POT1: variants seen among roughly 807,000 people sequenced by gnomAD.
POT1 encodes the protein protection of telomeres 1.
Under a neutral mutation model 78.5 loss-of-function variants are expected in POT1, and 47 were observed. The observed-to-expected ratio is 0.60, with a 90% CI of 0.47 to 0.76. The LOEUF (loss-of-function observed/expected upper bound fraction) is 0.76, where lower values mean the gene tolerates loss of function less well. Among genes scored for constraint, POT1 ranks in the 30% least tolerant of loss-of-function variants. POT1 has a pLI of 0.00. For synonymous variants in POT1, 259 were observed against 260.7 expected (o/e 0.99, Z 0.06); for missense variants, 646 against 749.9 (o/e 0.86, Z 1.62).
intron 3 of POT1, among the ~76,000 whole-genome samples, chr7:124,899,321 A>T (rs1796565134): frequency 6.6e-6 from 1 of 152,124 alleles, no homozygotes; most frequent in Non-Finnish European, 1.5e-5. Context: ...CCTTTTCTAA[A>T]AATCTCTTGC....
Position 124,913,127 on chromosome 7 carries a change from A to T in POT1, c.-154+2447T>A, listed in dbSNP as rs144540563. ...GAAACTCCTTCACTATCATGAGAAC[A>T]GCCAAGGAAAGACCCGCCTCCATAA... On this transcript the variant is annotated intron_variant, in intron 3 of 18. Coordinates refer to ENST00000357628, the MANE Select transcript of POT1 (RefSeq NM_015450.3). Among the ~76,000 whole-genome samples, 768 of 152,246 alleles carry T rather than the reference A, an allele frequency of 5.0e-3. 8 individuals carry two copies. Among genetic ancestry groups the T allele is most frequent in the African/African-American group, 0.017 (706 of 41,540 alleles).
chr7:124,883,138 T>C (rs545392519), intron 6 of POT1, among the ~76,000 whole-genome samples: 7 of 152,190 alleles, frequency 4.6e-5, no homozygotes, highest in African/African-American at 1.7e-4. Flanking sequence ...CCTAGACATA[T>C]TTATTTTTTG....
chr7:124,835,425 A>C lies in POT1; in HGVS notation c.1370-11T>G, dbSNP rs1350538061. On this transcript the variant is annotated splice_polypyrimidine_tract_variant and intron_variant, in intron 14 of 18. Coordinates refer to ENST00000357628, the MANE Select transcript of POT1 (RefSeq NM_015450.3). ...CACTGAGTGTACCTCCTGTTAAGAGAATAAATAAATCCTTCAAGTAGTGCA... is the reference window on the plus strand; with the variant it reads ...CACTGAGTGTACCTCCTGTTAAGAGCATAAATAAATCCTTCAAGTAGTGCA... The C allele has an allele frequency of 1.2e-6, 2 of 1,608,594 alleles. No individual in the cohort carries two copies.
intron 15 of POT1, among the ~76,000 whole-genome samples, chr7:124,829,732 A>ATATCTATATCTATATC (rs1378300353): frequency 2.7e-4 from 32 of 117,034 alleles, no homozygotes; most frequent in African/African-American, 9.7e-4. Flanking sequence ...ATATCTATAT[A>ATATCTATATCTATATC]TATATATTTT....
chr7:124,876,324 A>G (rs923950719), intron 6 of POT1, among the ~76,000 whole-genome samples: 3 of 151,468 alleles, frequency 2.0e-5, no homozygotes, highest in Non-Finnish European at 4.4e-5. Flanking sequence ...AATGACTTAA[A>G]CATTCAAAAA....
At chr7:124,897,033 T>C in intron 5 of POT1, 132 bp downstream of exon 5, 1 of 461,558 alleles carries the variant, frequency 2.2e-6, no homozygotes, top group Non-Finnish European at 3.8e-6. Context: ...AAAGATTATG[T>C]TTTTCCAGTG....
chr7:124,863,949 T>A (rs951057381), intron 7 of POT1, among the ~76,000 whole-genome samples: 2 of 152,140 alleles, frequency 1.3e-5, no homozygotes, highest in African/African-American at 4.8e-5. Flanking sequence ...TTAGTTTTTT[T>A]ATTAAGGTGT....
At chr7:124,907,548 G>A (rs1405160345) in intron 3 of POT1, among the ~76,000 whole-genome samples, 1 of 152,066 alleles carries the variant, frequency 6.6e-6, no homozygotes, top group Non-Finnish European at 1.5e-5. Flanking sequence ...GATTTTTAGG[G>A]CAGTGGAAAA....
At chr7:124,865,870 G>C (rs1426818202) in intron 7 of POT1, among the ~76,000 whole-genome samples, 1 of 151,878 alleles carries the variant, frequency 6.6e-6, no homozygotes, top group African/African-American at 2.4e-5. Context: ...TAAAGTTTTT[G>C]TTTAATAAAG....
At position 124,907,765 on chromosome 7, in the gene POT1, T is replaced by C. The variant is rs147231259; in HGVS notation, c.-154+7809A>G. ...TATGCATAACTGCAGGTAGAGAATG[T>C]GAGGGAAATCTCTCTAACTTTCTCT... On this transcript the variant is annotated intron_variant, in intron 3 of 18. Transcript: ENST00000357628. 2.8e-3 allele frequency among the ~76,000 whole-genome samples: 428 copies of C among 152,224 alleles called. 2 individuals are homozygous for C. Among genetic ancestry groups the C allele is most frequent in the Middle Eastern group, 6.8e-3 (2 of 294 alleles).
intron 14 of POT1, among the ~76,000 whole-genome samples, chr7:124,840,056 G>C (rs1794989761): frequency 6.6e-6 from 1 of 151,130 alleles, no homozygotes; most frequent in African/African-American, 2.4e-5. Flanking sequence ...GGAAGGTACA[G>C]AGATTTTCCG....
At chr7:124,856,826 T>C (rs1310415062) in intron 9 of POT1, among the ~76,000 whole-genome samples, 1 of 152,212 alleles carries the variant, frequency 6.6e-6, no homozygotes, top group Non-Finnish European at 1.5e-5. Flanking sequence ...GAACTTATCA[T>C]ATATTTAATT....
chr7:124,826,827 C>T (rs1282953703), intron 17 of POT1, among the ~76,000 whole-genome samples: 1 of 152,144 alleles, frequency 6.6e-6, no homozygotes, highest in Non-Finnish European at 1.5e-5. Context: ...TGAGATCGTG[C>T]CACTGCACTC....
chr7:124,895,100 C>A (rs1378096415), intron 5 of POT1, among the ~76,000 whole-genome samples: 1 of 151,484 alleles, frequency 6.6e-6, no homozygotes, highest in East Asian at 1.9e-4. Flanking sequence ...CAGTACTATC[C>A]AAGATAATCT....
At chr7:124,855,667 A>C (rs1170791454) in intron 9 of POT1, among the ~76,000 whole-genome samples, 1 of 151,894 alleles carries the variant, frequency 6.6e-6, no homozygotes, top group Non-Finnish European at 1.5e-5. Flanking sequence ...TACTAAAAAA[A>C]AACTAGAAAC....
intron 3 of POT1, chr7:124,900,783 C>T (rs1217958246): frequency 3.9e-5 from 14 of 362,696 alleles, no homozygotes; most frequent in African/African-American, 1.3e-4. Flanking sequence ...CCTGGAACAT[C>T]GGGACACTCC....
intron 5 of POT1, among the ~76,000 whole-genome samples, chr7:124,893,039 C>CT (rs1252261122): frequency 1.3e-5 from 2 of 150,182 alleles, no homozygotes; most frequent in African/African-American, 2.4e-5. Flanking sequence ...GTTTAGAAAA[C>CT]TTTTTTTTTA....
At chr7:124,832,230 G>A (rs1794781031) in intron 15 of POT1, among the ~76,000 whole-genome samples, 1 of 135,612 alleles carries the variant, frequency 7.4e-6, no homozygotes, top group Non-Finnish European at 1.5e-5. Flanking sequence ...CTTCAGCCTG[G>A]GTATCAGAAT....
chr7:124,847,210 C>T (rs1275484160), intron 11 of POT1, among the ~76,000 whole-genome samples: 1 of 152,176 alleles, frequency 6.6e-6, no homozygotes, highest in Non-Finnish European at 1.5e-5. Flanking sequence ...ATAGCAGAGG[C>T]TGGGGTGGGC....
Sources: allele counts gnomAD v4.1 joint callset (sites outside exome capture counted in the v4.1 genomes callset), GRCh38; gene constraint gnomAD v4.1.1; transcripts MANE v1.5; gene names NCBI Gene and HGNC (gene_info 2026-07-23, HGNC 2026-07-21).